KALRN: variants seen among roughly 807,000 people sequenced by gnomAD.
The protein encoded by KALRN is kalirin RhoGEF kinase.
KALRN carries 70 observed loss-of-function variants against 353.7 expected under a neutral mutation model. The ratio of observed to expected loss-of-function variants is 0.20; its 90% CI spans 0.16 to 0.24. KALRN has a LOEUF of 0.24. Ranked by LOEUF, KALRN falls within the 10% of genes least tolerant of loss-of-function variation. The probability of loss-of-function intolerance (pLI) is 1.00; values close to 1 mark genes in which losing one functional copy is unlikely to be tolerated. For missense variants in KALRN, 2,791 were observed against 3,756.7 expected, an observed-to-expected ratio of 0.74 and a Z score of 6.72; for synonymous variants, 1,391 against 1,434.8, an observed-to-expected ratio of 0.97 and a Z score of 0.69.
chr3:124,109,494 T>C (rs562130984), intron 1 of KALRN, among the ~76,000 whole-genome samples: 1 of 152,172 alleles, frequency 6.6e-6, no homozygotes, highest in African/African-American at 2.4e-5. Flanking sequence ...AAAAATACTT[T>C]CAAGCTTATC....
chr3:124,606,087 A>G (rs564859619), intron 34 of KALRN, among the ~76,000 whole-genome samples: 1 of 152,160 alleles, frequency 6.6e-6, no homozygotes, highest in African/African-American at 2.4e-5. Flanking sequence ...TAAAGACTTG[A>G]CTTAACATAG....
chr3:124,168,037 T>C (rs1174404130), intron 1 of KALRN, among the ~76,000 whole-genome samples: 1 of 152,044 alleles, frequency 6.6e-6, no homozygotes, highest in Non-Finnish European at 1.5e-5. Context: ...TTCTGTGACT[T>C]TGTGTTGGGA....
chr3:124,238,549 T>A (rs1037249699), intron 3 of KALRN, among the ~76,000 whole-genome samples: 1 of 152,176 alleles, frequency 6.6e-6, no homozygotes, highest in Non-Finnish European at 1.5e-5. Flanking sequence ...GAAAAAACAA[T>A]GCATCATAAA....
intron 10 of KALRN, among the ~76,000 whole-genome samples, chr3:124,354,819 AAG>A (rs1312145043): frequency 6.6e-6 from 1 of 152,220 alleles, no homozygotes; most frequent in Non-Finnish European, 1.5e-5. Context: ...TTCTAATGGG[AAG>A]AGTGACAGTG....
chr3:124,532,499 A>G lies in KALRN; in HGVS notation c.4936-30344A>G, dbSNP rs2068124581. Reference sequence around the variant, plus strand: ...CTTTGAAAAATGTGTTAGCCCAATCATCTCTTATCCACACCTTTTTCCTAG... The same window carrying G: ...CTTTGAAAAATGTGTTAGCCCAATCGTCTCTTATCCACACCTTTTTCCTAG... On this transcript the variant is annotated intron_variant, in intron 33 of 59. Transcript: ENST00000682506. Among the ~76,000 whole-genome samples the G allele has an allele frequency of 4.6e-5, 7 of 152,156 alleles. No individual in the cohort carries two copies. The South Asian group carries it at 1.4e-3, about 32-fold the overall frequency.
chr3:124,600,641 A>T (rs1030162388), intron 34 of KALRN, among the ~76,000 whole-genome samples: 15 of 125,224 alleles, frequency 1.2e-4, no homozygotes, highest in South Asian at 2.2e-4. Flanking sequence ...CATGAAATTT[A>T]TATATATATA....
intron 34 of KALRN, among the ~76,000 whole-genome samples, chr3:124,594,026 A>G (rs2076047801): frequency 6.6e-6 from 1 of 152,060 alleles, no homozygotes; most frequent in Admixed American, 6.5e-5. Context: ...TATGCTGACT[A>G]CAGAAAAAAA....
chr3:124,357,816 G>A (rs555738510), intron 10 of KALRN, among the ~76,000 whole-genome samples: 3 of 152,308 alleles, frequency 2.0e-5, no homozygotes, highest in African/African-American at 7.2e-5. Flanking sequence ...TTTTGTCTCA[G>A]TCTTTTTAAA....
rs776943816 is a variant in KALRN at position 124,661,973 on chromosome 3, T to C, written c.6345+45T>C. 2.7e-6 allele frequency: 4 copies of C among 1,496,474 alleles called. 1 individual carries two copies. The Middle Eastern group carries it at 7.0e-4, about 263-fold the overall frequency. 92.7% of individuals were successfully genotyped at this position (1,496,474 alleles called of 1,614,324 possible). ...TCTAAGCCCACTCTCTCCAGGACAA[T>C]AGGAGTCCAGACTGTTGCGGCTTCC... On this transcript the variant is annotated intron_variant, in intron 45 of 59. Transcript: ENST00000682506.
chr3:124,654,225 T>C (rs1047585990), intron 38 of KALRN, among the ~76,000 whole-genome samples: 5 of 152,214 alleles, frequency 3.3e-5, no homozygotes, highest in Non-Finnish European at 7.3e-5. Flanking sequence ...AGTTCCTTCC[T>C]GTGGCCTAAA....
At chr3:124,400,052 A>G (rs1220278258) in intron 13 of KALRN, among the ~76,000 whole-genome samples, 1 of 152,154 alleles carries the variant, frequency 6.6e-6, no homozygotes, top group African/African-American at 2.4e-5. Flanking sequence ...CATTCCAACC[A>G]TCTCTCTGGA....
intron 10 of KALRN, among the ~76,000 whole-genome samples, chr3:124,348,021 ACT>A (rs2082450914): frequency 6.6e-6 from 1 of 151,982 alleles, no homozygotes; most frequent in Admixed American, 6.6e-5. Flanking sequence ...TGTTATCCTA[ACT>A]CTGTTATATT....
intron 15 of KALRN, among the ~76,000 whole-genome samples, chr3:124,426,164 T>C (rs2093008961): frequency 1.3e-5 from 2 of 152,134 alleles, no homozygotes; most frequent in South Asian, 4.1e-4. Context: ...GCTCTTTCCT[T>C]AGGGAGCGCT....
At chr3:124,478,799 A>G (rs1018149408) in intron 27 of KALRN, among the ~76,000 whole-genome samples, 4 of 152,198 alleles carry the variant, frequency 2.6e-5, no homozygotes, top group Non-Finnish European at 1.5e-5. Flanking sequence ...CACTTTTCTG[A>G]CATACATGTC....
chr3:124,627,792 A>G (rs1334394802), intron 34 of KALRN, among the ~76,000 whole-genome samples: 2 of 152,206 alleles, frequency 1.3e-5, no homozygotes, highest in African/African-American at 4.8e-5. Context: ...AACAATGTCA[A>G]CACACCCAAG....
Position 124,228,054 on chromosome 3 carries a change from C to G in KALRN, c.138C>G (p.Ala46=). 1 of 1,613,592 alleles carries G rather than the reference C, an allele frequency of 6.2e-7. No homozygotes were observed. The highest frequency in any genetic ancestry group is 8.5e-7 in the Non-Finnish European group (1 of 1,179,586). ...TTCCTATCCTAAAGGAAAAGGTGGC[C>G]TTCGTGTCTGGTGAGTATTTGTGGG... ...DVLPILKEKV[A]FVSGGRDKRG... is the part of the protein sequence containing the mutation. The change falls in exon 2 of 60, where the codon GCC becomes GCG. Residue 46 remains alanine (A), a synonymous_variant. Coordinates refer to ENST00000682506, the MANE Select transcript of KALRN (RefSeq NM_001388419.1).
chr3:124,488,130 T>C (rs1350270476), intron 28 of KALRN, 74 bp from the exon 29 acceptor site: 1 of 864,580 alleles, frequency 1.2e-6, no homozygotes, highest in African/African-American at 1.7e-5. Context: ...GTCTATAATT[T>C]CCTTGCTGGG....
chr3:124,591,821 C>T (rs13068228), intron 34 of KALRN, among the ~76,000 whole-genome samples: 23,336 of 152,130 alleles, frequency 0.15, 1,901 homozygotes, highest in Middle Eastern at 0.19. Flanking sequence ...TTTAATGGCC[C>T]TGGCTCAAAC....
chr3:124,106,968 C>T (rs964228985), intron 1 of KALRN, among the ~76,000 whole-genome samples: 2 of 152,170 alleles, frequency 1.3e-5, no homozygotes, highest in African/African-American at 4.8e-5. Context: ...ATTTCTCTAT[C>T]CTTCCTTGTT....
Sources: gnomAD v4.1 joint callset for allele counts (sites outside exome capture counted in the v4.1 genomes callset) on GRCh38, gnomAD v4.1.1 for gene constraint, MANE v1.5 for transcripts, NCBI Gene and HGNC (gene_info 2026-07-23, HGNC 2026-07-21) for gene names.